SLC16A7: variants seen among roughly 807,000 people sequenced by gnomAD.
The protein encoded by SLC16A7 is solute carrier family 16 member 7, also known as monocarboxylate transporter 2.
Under a neutral mutation model 34.9 loss-of-function variants are expected in SLC16A7, and 33 were observed. The ratio of observed to expected loss-of-function variants is 0.94; its 90% CI spans 0.72 to 1.26. The LOEUF (loss-of-function observed/expected upper bound fraction) is 1.26, where lower values mean the gene tolerates loss of function less well. Among genes scored for constraint, SLC16A7 ranks in the 50% most tolerant of loss-of-function variants. The pLI is 0.00. For synonymous variants in SLC16A7, 201 were observed against 206.6 expected (o/e 0.97, Z 0.23); for missense variants, 573 against 578.1 (o/e 0.99, Z 0.09).
chr12:59,765,876 A>G (rs1453012145), intron 3 of SLC16A7, among the ~76,000 whole-genome samples: 2 of 152,162 alleles, frequency 1.3e-5, no homozygotes, highest in Admixed American at 1.3e-4. Context: ...GAAGAAAGTA[A>G]TTGGTAGCTT....
chr12:59,755,029 T>C (rs377692352), intron 3 of SLC16A7, among the ~76,000 whole-genome samples: 10 of 152,120 alleles, frequency 6.6e-5, no homozygotes, highest in African/African-American at 1.4e-4. Context: ...TCAATAGATG[T>C]AGAAAAGGCC....
rs547198542 is a variant in SLC16A7 at position 59,642,250 on chromosome 12, A to G, written c.-129-12902A>G. ...CTCAGGCTTGGAATTCCTTACCTATAGTCCTGTTAGCCCATTGATTCCTCC... is the reference window on the plus strand; with the variant it reads ...CTCAGGCTTGGAATTCCTTACCTATGGTCCTGTTAGCCCATTGATTCCTCC... On this transcript the variant is annotated intron_variant, in intron 1 of 5. Coordinates refer to ENST00000547379, the MANE Select transcript of SLC16A7 (RefSeq NM_001270623.2). Among the ~76,000 whole-genome samples, 3 of 152,076 alleles carry G rather than the reference A, an allele frequency of 2.0e-5. No individual in the cohort carries two copies. The South Asian group carries it at 6.2e-4, about 32-fold the overall frequency.
chr12:59,738,328 A>G (rs1202787073), intron 3 of SLC16A7, among the ~76,000 whole-genome samples: 1 of 152,198 alleles, frequency 6.6e-6, no homozygotes, highest in African/African-American at 2.4e-5. Flanking sequence ...CCTCCTAACA[A>G]AAACATAATT....
chr12:59,691,319 G>T (rs1871622473), intron 2 of SLC16A7, among the ~76,000 whole-genome samples: 1 of 151,786 alleles, frequency 6.6e-6, no homozygotes, highest in Admixed American at 6.6e-5. Flanking sequence ...GTCTACAAGT[G>T]GATTTTTAAA....
intron 5 of SLC16A7, among the ~76,000 whole-genome samples, 182 bp downstream of exon 5, chr12:59,775,657 T>A (rs1882689782): frequency 6.6e-6 from 1 of 152,226 alleles, no homozygotes; most frequent in African/African-American, 2.4e-5. Context: ...ATTTTAGAAC[T>A]AAATTTGTTT....
chr12:59,732,049 A>G (rs1241066758), intron 3 of SLC16A7, among the ~76,000 whole-genome samples: 1 of 151,562 alleles, frequency 6.6e-6, no homozygotes. Flanking sequence ...AATGAAAAGG[A>G]GCTATGCATA....
chr12:59,687,728 A>AT (rs1186236868), intron 2 of SLC16A7, among the ~76,000 whole-genome samples: 2 of 151,924 alleles, frequency 1.3e-5, no homozygotes, highest in Non-Finnish European at 2.9e-5. Context: ...ACATTTTCTT[A>AT]TTTTCTGGGA....
chr12:59,660,522 T>C (rs1470892956), intron 2 of SLC16A7, among the ~76,000 whole-genome samples: 1 of 144,944 alleles, frequency 6.9e-6, no homozygotes, highest in Non-Finnish European at 1.5e-5. Context: ...CTGGACAACA[T>C]AGGCAGACCT....
intron 1 of SLC16A7, among the ~76,000 whole-genome samples, chr12:59,600,468 T>C (rs1401269826): frequency 2.6e-5 from 4 of 152,150 alleles, no homozygotes; most frequent in African/African-American, 9.7e-5. Flanking sequence ...GGAACTTTTT[T>C]TTTTTTTTAA....
Position 59,773,260 on chromosome 12 carries a change from G to T in SLC16A7, c.362-1397G>T, listed in dbSNP as rs553820478. On this transcript the variant is annotated intron_variant, in intron 4 of 5. Transcript: ENST00000547379. ...TGCATATCTCACAGGTATGGCTGAG[G>T]TATAGCGTTAGAGAACATGCTGTCC... 4.6e-5 allele frequency among the ~76,000 whole-genome samples: 7 copies of T among 152,214 alleles called. No individual in the cohort carries two copies. In the South Asian group the frequency reaches 1.2e-3, roughly 27 times the overall value.
At chr12:59,681,549 C>T (rs1045421694) in intron 2 of SLC16A7, among the ~76,000 whole-genome samples, 1 of 152,096 alleles carries the variant, frequency 6.6e-6, no homozygotes, top group Non-Finnish European at 1.5e-5. Flanking sequence ...TTTTTCCTAA[C>T]CAAATTATTT....
At chr12:59,771,132 C>T in intron 3 of SLC16A7, 87 bp from the exon 4 acceptor site, 7 of 1,335,528 alleles carry the variant, frequency 5.2e-6, no homozygotes, top group Non-Finnish European at 7.2e-6. Flanking sequence ...AATGTGCTTT[C>T]TTGCCTTTCC....
chr12:59,629,742 CT>C (rs201856107), intron 1 of SLC16A7, among the ~76,000 whole-genome samples: 7,190 of 151,154 alleles, frequency 0.048, 207 homozygotes, highest in Middle Eastern at 0.11. Context: ...ATTTAGTATA[CT>C]TTTTTTTTCA....
chr12:59,666,044 A>G (rs1214877222), intron 2 of SLC16A7, among the ~76,000 whole-genome samples: 3 of 152,174 alleles, frequency 2.0e-5, no homozygotes, highest in Non-Finnish European at 4.4e-5. Flanking sequence ...GCAATGATTG[A>G]TGATTTTACA....
intron 2 of SLC16A7, among the ~76,000 whole-genome samples, chr12:59,657,465 G>T (rs978948948): frequency 6.6e-6 from 1 of 151,874 alleles, no homozygotes; most frequent in Admixed American, 6.6e-5. Flanking sequence ...AAAGTATGCA[G>T]CACCCTGTAA....
At chr12:59,617,383 A>T (rs1299358091) in intron 1 of SLC16A7, among the ~76,000 whole-genome samples, 1 of 152,044 alleles carries the variant, frequency 6.6e-6, no homozygotes, top group African/African-American at 2.4e-5. Context: ...TTATGTGATT[A>T]TTGATGCCAT....
At position 59,660,134 on chromosome 12, in the gene SLC16A7, A is replaced by C. The variant is rs576626605; in HGVS notation, c.-31+4884A>C. Reference sequence around the variant, plus strand: ...CCCTTTAAATAATCCTTTTTTAAAAAGAATCCTTTAGATTTTTTTTTAAAA... The same window carrying C: ...CCCTTTAAATAATCCTTTTTTAAAACGAATCCTTTAGATTTTTTTTTAAAA... On this transcript the variant is annotated intron_variant, in intron 2 of 5. Coordinates refer to ENST00000547379, the MANE Select transcript of SLC16A7 (RefSeq NM_001270623.2). 4.6e-5 allele frequency among the ~76,000 whole-genome samples: 7 copies of C among 152,118 alleles called. No individual in the cohort carries two copies. In the East Asian group the frequency reaches 1.4e-3, roughly 29 times the overall value.
intron 2 of SLC16A7, among the ~76,000 whole-genome samples, chr12:59,682,779 A>G (rs1304578000): frequency 6.6e-6 from 1 of 152,182 alleles, no homozygotes; most frequent in African/African-American, 2.4e-5. Context: ...GTCTAAGTAA[A>G]ACAAATTGCG....
chr12:59,639,227 T>G (rs984709240), intron 1 of SLC16A7, among the ~76,000 whole-genome samples: 2 of 152,090 alleles, frequency 1.3e-5, no homozygotes, highest in Non-Finnish European at 2.9e-5. Flanking sequence ...ATTTCTCTCC[T>G]TACAATGTTT....
Sources: allele counts gnomAD v4.1 joint callset (sites outside exome capture counted in the v4.1 genomes callset), GRCh38; gene constraint gnomAD v4.1.1; transcripts MANE v1.5; gene names NCBI Gene and HGNC (gene_info 2026-07-23, HGNC 2026-07-21).